The following RNASET2 variants were observed in gnomAD, a reference collection of about 807,000 sequenced individuals.
RNASET2 encodes the protein ribonuclease T2, also known as ribonuclease 6.
A neutral mutation model predicts 33.9 loss-of-function variants in RNASET2; 28 were observed. The observed-to-expected ratio is 0.83, with a 90% CI of 0.61 to 1.13. The LOEUF (loss-of-function observed/expected upper bound fraction) is 1.13, where lower values mean the gene tolerates loss of function less well. Among genes scored for constraint, RNASET2 ranks in the 50% most tolerant of loss-of-function variants. The pLI, the probability that RNASET2 is intolerant of heterozygous loss-of-function variation, is 0.00. For synonymous variants in RNASET2, 123 were observed against 121.0 expected, an observed-to-expected ratio of 1.02 and a Z score of -0.11; for missense variants, 330 against 319.9, an observed-to-expected ratio of 1.03 and a Z score of -0.24.
intron 5 of RNASET2, among the ~76,000 whole-genome samples, chr6:166,940,371 G>T (rs1469875205): frequency 6.6e-6 from 1 of 152,160 alleles, no homozygotes; most frequent in Admixed American, 6.5e-5. Flanking sequence ...TTAACTCTCA[G>T]AAAATGATGA....
At chr6:166,946,616 G>A (rs2236312) in intron 4 of RNASET2, 66 bp downstream of exon 4, 213,707 of 876,156 alleles carry the variant, frequency 0.24, 30,037 homozygotes, top group Admixed American at 0.46. Context: ...TTGAAGGTAC[G>A]CTTGTGAAGA....
In RNASET2 at chr6:166,928,444, G is replaced by GC. The variant is rs377707333; in HGVS notation, c.*1143_*1144insG. On this transcript the variant is annotated 3_prime_UTR_variant, in exon 9 of 9. Coordinates refer to ENST00000508775, the MANE Select transcript of RNASET2 (RefSeq NM_003730.6). ...AATATTCACAGGCATTGATACAGCTGTTTTTTTTTTTTTTGTAAATTATGC... is the reference window on the plus strand; with the variant it reads ...AATATTCACAGGCATTGATACAGCTGCTTTTTTTTTTTTTTGTAAATTATGC... Among the ~76,000 whole-genome samples the GC allele has an allele frequency of 2.1e-5, 3 of 144,736 alleles. No homozygotes were observed. The highest frequency in any genetic ancestry group is 4.5e-5 in the Non-Finnish European group (3 of 66,608). 95.0% of individuals were successfully genotyped at this position (144,736 alleles called of 152,430 possible).
rs530522240 is a variant in RNASET2 at position 166,923,653 on chromosome 6, T to C, written c.*5935A>G. 2.0e-5 allele frequency among the ~76,000 whole-genome samples: 3 copies of C among 152,158 alleles called. No individual in the cohort carries two copies. The highest frequency in any genetic ancestry group is 6.5e-5 in the Admixed American group (1 of 15,296). On this transcript the variant is annotated 3_prime_UTR_variant, in exon 9 of 9. Coordinates refer to ENST00000508775, the MANE Select transcript of RNASET2 (RefSeq NM_003730.6). ...AATTCTTATCAGAAAAAAAATGACATAAAACTGCATTTCTCATCATCTGTC... is the reference window on the plus strand; with the variant it reads ...AATTCTTATCAGAAAAAAAATGACACAAAACTGCATTTCTCATCATCTGTC...
intron 4 of RNASET2, 54 bp from the exon 5 acceptor site, chr6:166,943,143 A>G: frequency 7.6e-7 from 1 of 1,320,412 alleles, no homozygotes; most frequent in Admixed American, 1.9e-5. Flanking sequence ...ATAAACTCAA[A>G]ACCTAGAAGG....
chr6:166,952,791 G>C (rs1779019761), intron 1 of RNASET2: 2 of 480,430 alleles, frequency 4.2e-6, no homozygotes, highest in Non-Finnish European at 7.7e-6. Context: ...AGGGGAGGAG[G>C]GGAGAGGAGG....
chr6:166,943,031 C>A lies in RNASET2; in HGVS notation c.320G>T (p.Arg107Leu). Residue 107 changes from arginine (R) to leucine (L), a missense_variant, in exon 5 of 9, where the codon CGC becomes CTC. Transcript: ENST00000508775. ...GGCTGGGACTTACCAGAAGCGGCTG[C>A]GATTGGGAAACGAGTGAATTACGTC... ...WPDVIHSFPNRSRFWKHEWEK... is the reference protein window; with the variant it reads ...WPDVIHSFPNLSRFWKHEWEK... 6.2e-6 allele frequency: 10 copies of A among 1,613,428 alleles called. No individual in the cohort carries two copies. The highest frequency in any genetic ancestry group is 8.5e-6 in the Non-Finnish European group (10 of 1,179,594).
Position 166,946,532 on chromosome 6 carries a change from A to G in RNASET2, c.261+150T>C. On this transcript the variant is annotated intron_variant, in intron 4 of 8. Transcript: ENST00000508775. ...GTGTAATTTGTGGGGTCGAGATAACAATACTTACTAAAACAGCAGCAAGGG... is the reference window on the plus strand; with the variant it reads ...GTGTAATTTGTGGGGTCGAGATAACGATACTTACTAAAACAGCAGCAAGGG... 3 of 672,934 alleles carry G rather than the reference A, an allele frequency of 4.5e-6. No homozygotes were observed. The South Asian group carries it at 5.0e-5, about 11-fold the overall frequency. 41.7% of individuals were successfully genotyped at this position (672,934 alleles called of 1,614,324 possible).
chr6:166,956,322 C>A lies in RNASET2; in HGVS notation c.-140G>T. 1.3e-6 allele frequency: 1 copy of A among 795,276 alleles called. No homozygotes were observed. The highest frequency in any genetic ancestry group is 2.1e-6 in the Non-Finnish European group (1 of 476,954). The allele number at this position is 795,276 out of a possible 1,614,324, so 49.3% of individuals were successfully genotyped here. On this transcript the variant is annotated 5_prime_UTR_variant, in exon 1 of 9. Coordinates refer to ENST00000508775, the MANE Select transcript of RNASET2 (RefSeq NM_003730.6). ...GCTCCCTCCGCTGCAGCAGCGGCCA[C>A]CGGGTGCGCCCGGAGCCCTGGGACG...
At chr6:166,951,490 C>T (rs1562504325) in intron 2 of RNASET2, among the ~76,000 whole-genome samples, 1 of 152,202 alleles carries the variant, frequency 6.6e-6, no homozygotes. Context: ...ACCACTAGAC[C>T]GAGGTCAGCT....
chr6:166,952,735 G>A (rs1243793560), intron 1 of RNASET2, 187 bp from the exon 2 acceptor site: 3 of 604,628 alleles, frequency 5.0e-6, no homozygotes, highest in South Asian at 1.8e-5. Context: ...AAGAAGGCAC[G>A]TGTGGTGGCG....
At chr6:166,955,333 ACG>A (rs1223375155) in intron 1 of RNASET2, among the ~76,000 whole-genome samples, 44 of 59,282 alleles carry the variant, frequency 7.4e-4, no homozygotes, top group East Asian at 3.5e-3. Flanking sequence ...ACACGCACGC[ACG>A]CACACGCACA....
chr6:166,931,356 C>T (rs1174007886), intron 7 of RNASET2: 7 of 563,146 alleles, frequency 1.2e-5, no homozygotes, highest in Non-Finnish European at 1.9e-5. Context: ...TTCCTCTCTG[C>T]TCCTGTTTCT....
At chr6:166,931,011 G>GA (rs762246910) in intron 8 of RNASET2, 33 bp downstream of exon 8, 10 of 1,504,768 alleles carry the variant, frequency 6.6e-6, no homozygotes, top group Admixed American at 5.0e-5. Context: ...GTCTTCTTGA[G>GA]AAAAAAAGGA....
intron 6 of RNASET2, 80 bp downstream of exon 6, chr6:166,938,815 T>A: frequency 3.1e-6 from 3 of 976,998 alleles, no homozygotes; most frequent in African/African-American, 1.6e-5. Flanking sequence ...CTACACCCAC[T>A]CCCCTGGATC....
In RNASET2 at chr6:166,950,961, G is replaced by A. The variant is rs146229747; in HGVS notation, c.147+1527C>T. On this transcript the variant is annotated intron_variant, in intron 2 of 8. Transcript: ENST00000508775. ...TAGAAATAAAGACACAAGACAAAGA[G>A]ACAGAAGAAAAGACAGCTGGGCCCA... Among the ~76,000 whole-genome samples, 1,239 of 152,320 alleles carry A rather than the reference G, an allele frequency of 8.1e-3. 12 individuals carry two copies. Among genetic ancestry groups the A allele is most frequent in the African/African-American group, 0.028 (1,170 of 41,578 alleles).
At chr6:166,939,667 C>G (rs977238665) in intron 5 of RNASET2, among the ~76,000 whole-genome samples, 2 of 152,188 alleles carry the variant, frequency 1.3e-5, no homozygotes, top group African/African-American at 2.4e-5. Flanking sequence ...GTGGCACAAA[C>G]TGTCATTTCT....
intron 5 of RNASET2, among the ~76,000 whole-genome samples, chr6:166,941,383 C>T (rs1014882703): frequency 6.6e-6 from 1 of 152,224 alleles, no homozygotes; most frequent in Non-Finnish European, 1.5e-5. Flanking sequence ...ATTGTAACAA[C>T]TGGAAAAATT....
At chr6:166,937,318 G>C (rs1243453406) in intron 6 of RNASET2, among the ~76,000 whole-genome samples, 2 of 152,168 alleles carry the variant, frequency 1.3e-5, no homozygotes, top group East Asian at 3.9e-4. Flanking sequence ...TGTATTTTTA[G>C]TAGAGATGGG....
intron 5 of RNASET2, among the ~76,000 whole-genome samples, chr6:166,941,346 A>G (rs185903536): frequency 6.6e-6 from 1 of 152,360 alleles, no homozygotes; most frequent in African/African-American, 2.4e-5. Flanking sequence ...CCATTTAGCT[A>G]AAATCTGACA....
Sources: gnomAD v4.1 joint callset for allele counts (sites outside exome capture counted in the v4.1 genomes callset) on GRCh38, gnomAD v4.1.1 for gene constraint, MANE v1.5 for transcripts, NCBI Gene and HGNC (gene_info 2026-07-23, HGNC 2026-07-21) for gene names.